The following CIDEA variants were observed in gnomAD, a reference collection of about 807,000 sequenced individuals.
CIDEA encodes the protein lipid transferase CIDEA.
In CIDEA, 10 loss-of-function variants were observed where a neutral mutation model predicts 18.2. The observed-to-expected ratio is 0.55, with a 90% confidence interval of 0.34 to 0.93. The LOEUF (loss-of-function observed/expected upper bound fraction) is 0.93, where lower values mean the gene tolerates loss of function less well. Among genes scored for constraint, CIDEA ranks in the 40% least tolerant of loss-of-function variants. The pLI is 0.02. For missense variants in CIDEA, 309 were observed against 293.1 expected (o/e 1.05, Z -0.40); for synonymous variants, 128 against 124.8 (o/e 1.03, Z -0.17).
intron 1 of CIDEA, among the ~76,000 whole-genome samples, chr18:12,257,909 G>A (rs937054847): frequency 6.6e-6 from 1 of 152,224 alleles, no homozygotes; most frequent in Non-Finnish European, 1.5e-5. Context: ...CTTGGGTGGA[G>A]ACGGTGGCTT....
chr18:12,268,498 C>G (rs1912423885), intron 3 of CIDEA, among the ~76,000 whole-genome samples: 1 of 151,064 alleles, frequency 6.6e-6, no homozygotes, highest in South Asian at 2.1e-4. Flanking sequence ...CTGGGCTCCC[C>G]CACCTCAGCC....
At chr18:12,255,689 AGCATGGGGGAAGGAGGT>A (rs1364817234) in intron 1 of CIDEA, among the ~76,000 whole-genome samples, 2 of 152,114 alleles carry the variant, frequency 1.3e-5, no homozygotes, top group East Asian at 3.9e-4. Flanking sequence ...GTTCCTCCGG[AGCATGGGGGAAGGAGGT>A]GTGGGCTGAC....
chr18:12,273,575 G>A (rs550599504), intron 3 of CIDEA, among the ~76,000 whole-genome samples: 2 of 152,154 alleles, frequency 1.3e-5, no homozygotes, highest in Non-Finnish European at 2.9e-5. Context: ...TCAACCCTGG[G>A]GGGTTATTAA....
intron 3 of CIDEA, among the ~76,000 whole-genome samples, chr18:12,267,978 C>T (rs2144075862): frequency 6.6e-6 from 1 of 152,284 alleles, no homozygotes; most frequent in East Asian, 1.9e-4. Flanking sequence ...AAGACTTATC[C>T]AGCCTCCAAT....
intron 3 of CIDEA, among the ~76,000 whole-genome samples, chr18:12,266,027 C>A (rs1177348711): frequency 6.6e-6 from 1 of 152,078 alleles, no homozygotes; most frequent in African/African-American, 2.4e-5. Flanking sequence ...GAATTGAAGA[C>A]CAGCCTAGGC....
At position 12,254,782 on chromosome 18, in the gene CIDEA, G is replaced by A. The variant is rs1234182519; in HGVS notation, c.38+361G>A. Reference sequence around the variant, plus strand: ...GCTGCAGTCGCGGGCGCAGAAGAGGGTCCGGTCCCAGGAACCCCGAGCAAA... The same window carrying A: ...GCTGCAGTCGCGGGCGCAGAAGAGGATCCGGTCCCAGGAACCCCGAGCAAA... On this transcript the variant is annotated intron_variant, in intron 1 of 4. Transcript: ENST00000320477. 2.9e-6 allele frequency: 4 copies of A among 1,370,540 alleles called. No individual in the cohort carries two copies. The South Asian group carries it at 4.9e-5, about 17-fold the overall frequency. The allele number at this position is 1,370,540 out of a possible 1,614,324, so 84.9% of individuals were successfully genotyped here. A position where few individuals can be genotyped will look rare whatever the true frequency, so the allele number is the denominator to read the frequency against.
rs148045756 is a variant in CIDEA at position 12,257,344 on chromosome 18, C to A, written c.38+2923C>A. On this transcript the variant is annotated intron_variant, in intron 1 of 4. Transcript: ENST00000320477. The stretch of plus-strand genomic sequence containing the variant: ...TATTCCCAGGCACTATTTTACACAG[C>A]CTGTACTGCTGCCCCCTCACCCATG... 3.3e-5 allele frequency among the ~76,000 whole-genome samples: 5 copies of A among 152,314 alleles called. No homozygotes were observed. In the East Asian group the frequency reaches 9.6e-4, roughly 29 times the overall value.
intron 3 of CIDEA, among the ~76,000 whole-genome samples, chr18:12,271,730 T>A (rs1178429547): frequency 6.6e-6 from 1 of 152,112 alleles, no homozygotes; most frequent in African/African-American, 2.4e-5. Context: ...CCGTTTCGGC[T>A]GCGCAACCAC....
chr18:12,274,946 C>T (rs114409092), intron 4 of CIDEA, among the ~76,000 whole-genome samples: 154 of 152,342 alleles, frequency 1.0e-3, no homozygotes, highest in African/African-American at 3.5e-3. Flanking sequence ...AGAGAAACAC[C>T]AGCAGTCCCT....
rs143168918 is a variant in CIDEA at position 12,276,863 on chromosome 18, GCGGTGGTCTTGGGC to G, written c.513-258_513-245del. 4.2e-3 allele frequency among the ~76,000 whole-genome samples: 634 copies of G among 152,286 alleles called. 2 individuals are homozygous for G. The highest frequency in any genetic ancestry group is 0.015 in the African/African-American group (603 of 41,538). ...GTGGCTCATGGGAGCCGTGCTTCTT[GCGGTGGTCTTGGGC>G]CAGCAGCAAGGGGGTCCTCAGGGAG... On this transcript the variant is annotated intron_variant, in intron 4 of 4. Coordinates refer to ENST00000320477, the MANE Select transcript of CIDEA (RefSeq NM_001279.4).
At chr18:12,259,143 G>A (rs1222239611) in intron 1 of CIDEA, among the ~76,000 whole-genome samples, 1 of 152,230 alleles carries the variant, frequency 6.6e-6, no homozygotes, top group East Asian at 1.9e-4. Flanking sequence ...GATTGGCTAG[G>A]TGGGTCCCTG....
rs779433105 is a variant in CIDEA, at chr18:12,274,142, CGA to C, written c.384_385del (p.Arg128SerfsTer18). On this transcript the variant is annotated frameshift_variant, in exon 4 of 5. Coordinates refer to ENST00000320477, the MANE Select transcript of CIDEA (RefSeq NM_001279.4). LOFTEE classifies it high-confidence loss of function. ...TCGCCGCCGAAGAGGTCGGGAATAG[CGA>C]GAGTCACCTTCGACTTGTACAGGCT... The C allele has an allele frequency of 4.4e-5, 71 of 1,614,096 alleles. No homozygotes were observed. The highest frequency in any genetic ancestry group is 5.6e-5 in the Non-Finnish European group (66 of 1,180,050).
chr18:12,276,319 G>T (rs1022876776), intron 4 of CIDEA, among the ~76,000 whole-genome samples: 3 of 151,018 alleles, frequency 2.0e-5, no homozygotes, highest in African/African-American at 7.3e-5. Context: ...AAGAAAGAGG[G>T]TCTCACACTG....
At chr18:12,263,013 C>A (rs765811013) in intron 2 of CIDEA, 44 bp downstream of exon 2, 1 of 1,599,804 alleles carries the variant, frequency 6.3e-7, no homozygotes, top group South Asian at 1.1e-5. Context: ...CAGGGGTGCC[C>A]TGCACTCACA....
At chr18:12,273,018 A>T (rs1447171619) in intron 3 of CIDEA, among the ~76,000 whole-genome samples, 1 of 150,788 alleles carries the variant, frequency 6.6e-6, no homozygotes, top group Non-Finnish European at 1.5e-5. Context: ...GTGTCACAGG[A>T]GGGAGAGCTT....
intron 4 of CIDEA, among the ~76,000 whole-genome samples, chr18:12,275,190 G>T (rs758029484): frequency 7.2e-5 from 11 of 152,172 alleles, no homozygotes; most frequent in Non-Finnish European, 1.3e-4. Flanking sequence ...GGGCGTGGTG[G>T]CGGATGCCTG....
Position 12,274,164 on chromosome 18 carries a change from C to T in CIDEA, c.402C>T (p.Tyr134=). 1 of 1,614,208 alleles carries T rather than the reference C, an allele frequency of 6.2e-7. No homozygotes were observed. The highest frequency in any genetic ancestry group is 8.5e-7 in the Non-Finnish European group (1 of 1,180,042). ...SGIARVTFDL[Y]RLNPKDFIGC... is the part of the protein sequence containing the mutation. ...TAGCGAGAGTCACCTTCGACTTGTACAGGCTGAACCCCAAGGACTTCATCG... is the reference window on the plus strand; with the variant it reads ...TAGCGAGAGTCACCTTCGACTTGTATAGGCTGAACCCCAAGGACTTCATCG... Residue 134 remains tyrosine, a synonymous_variant, in exon 4 of 5, where the codon TAC becomes TAT. Transcript: ENST00000320477.
intron 3 of CIDEA, among the ~76,000 whole-genome samples, chr18:12,267,015 T>C (rs886090563): frequency 6.6e-6 from 1 of 152,318 alleles, no homozygotes; most frequent in African/African-American, 2.4e-5. Flanking sequence ...TGCCTCGGCC[T>C]CCCAAAGTGC....
intron 2 of CIDEA, 85 bp downstream of exon 2, chr18:12,263,054 G>A (rs1221964098): frequency 4.2e-6 from 6 of 1,422,144 alleles, no homozygotes; most frequent in Non-Finnish European, 5.7e-6. Flanking sequence ...CTAAGCCAGG[G>A]CCAGCACAGA....
Sources: allele counts gnomAD v4.1 joint callset (sites outside exome capture counted in the v4.1 genomes callset), GRCh38; gene constraint gnomAD v4.1.1; transcripts MANE v1.5; gene names NCBI Gene and HGNC (gene_info 2026-07-23, HGNC 2026-07-21).